The following RETREG1 variants were observed in gnomAD, a reference collection of about 807,000 sequenced individuals.
RETREG1 encodes family with sequence similarity 134 member B.
In RETREG1, 44 loss-of-function variants were observed where a neutral mutation model predicts 54.8. The observed-to-expected ratio is 0.80, with a 90% CI of 0.63 to 1.03. The LOEUF (loss-of-function observed/expected upper bound fraction) is 1.03. RETREG1 is among the 50% of genes least tolerant of loss of function. The pLI is 0.00. For synonymous variants in RETREG1, 217 were observed against 238.5 expected (o/e 0.91, Z 0.83); for missense variants, 554 against 605.1 (o/e 0.92, Z 0.89).
chr5:16,598,615 C>A (rs1168439493), intron 1 of RETREG1, among the ~76,000 whole-genome samples: 3 of 152,216 alleles, frequency 2.0e-5, no homozygotes, highest in South Asian at 2.1e-4. Context: ...TGTTCCTTCC[C>A]ATAGTAGCAG....
intron 3 of RETREG1, chr5:16,509,093 A>G: frequency 1.1e-6 from 1 of 900,046 alleles, no homozygotes; most frequent in Non-Finnish European, 1.3e-6. Flanking sequence ...TGGAGTGGCC[A>G]CAGGAGGTTG....
intron 1 of RETREG1, among the ~76,000 whole-genome samples, chr5:16,598,926 C>T (rs1034798683): frequency 5.3e-5 from 8 of 152,194 alleles, no homozygotes; most frequent in African/African-American, 1.9e-4. Flanking sequence ...GCTCACCATC[C>T]TAGCACTTTG....
At chr5:16,478,160 T>A in intron 6 of RETREG1, 62 bp from the exon 7 acceptor site, 1 of 1,021,092 alleles carries the variant, frequency 9.8e-7, no homozygotes, top group Non-Finnish European at 1.6e-6. Flanking sequence ...AGTGCATTTA[T>A]TTCATTATGT....
chr5:16,607,218 T>C (rs1743213059), intron 1 of RETREG1, among the ~76,000 whole-genome samples: 1 of 152,204 alleles, frequency 6.6e-6, no homozygotes, highest in Admixed American at 6.5e-5. Context: ...TTATTGTATT[T>C]TTTTTTACCA....
chr5:16,585,395 A>G lies in RETREG1; in HGVS notation c.321-13293T>C, dbSNP rs930501250. Among the ~76,000 whole-genome samples, 1 of 152,188 alleles carries G rather than the reference A, an allele frequency of 6.6e-6. No homozygotes were observed. Among genetic ancestry groups the G allele is most frequent in the Non-Finnish European group, 1.5e-5 (1 of 68,026 alleles). On this transcript the variant is annotated intron_variant, in intron 1 of 8. Coordinates refer to ENST00000306320, the MANE Select transcript of RETREG1 (RefSeq NM_001034850.3). This position sits in a 1 kb window ranked among gnomAD's most constrained non-coding sequence, Gnocchi z 4.5. ...GGCAAAGAGAAACTGAGCATGCTCT[A>G]CTGTGCACCCTTGCACTGGAATTAT...
intron 1 of RETREG1, among the ~76,000 whole-genome samples, chr5:16,576,070 A>T (rs1032948687): frequency 3.9e-5 from 6 of 152,204 alleles, no homozygotes; most frequent in African/African-American, 1.4e-4. Context: ...GAATTTTTAA[A>T]AAGTTTTTGT....
At chr5:16,478,707 A>G (rs1216586299) in intron 6 of RETREG1, 143 bp downstream of exon 6, 2 of 725,122 alleles carry the variant, frequency 2.8e-6, no homozygotes, top group Admixed American at 5.2e-5. Flanking sequence ...AAAAGGATAT[A>G]TATAACTTTG....
chr5:16,546,461 C>T (rs1741390985), intron 3 of RETREG1, among the ~76,000 whole-genome samples: 1 of 152,218 alleles, frequency 6.6e-6, no homozygotes, highest in Admixed American at 6.5e-5. Flanking sequence ...AGCCAATGCA[C>T]TGGGCCAAAA....
intron 1 of RETREG1, among the ~76,000 whole-genome samples, chr5:16,592,513 A>G (rs1742802249): frequency 8.0e-6 from 1 of 124,942 alleles, no homozygotes; most frequent in Admixed American, 7.8e-5. Context: ...AGAGCTAAAT[A>G]CAGTACTACC....
chr5:16,610,852 T>C (rs916543091), intron 1 of RETREG1, among the ~76,000 whole-genome samples: 10 of 152,124 alleles, frequency 6.6e-5, no homozygotes, highest in Non-Finnish European at 1.5e-4. Context: ...GTGTGGCGAT[T>C]CCTCAGGGAT....
intron 3 of RETREG1, among the ~76,000 whole-genome samples, chr5:16,542,821 G>A (rs995890429): frequency 1.3e-5 from 2 of 152,072 alleles, no homozygotes; most frequent in Non-Finnish European, 2.9e-5. Flanking sequence ...AGTGCTCATC[G>A]CTGGATCTGC....
chr5:16,574,389 C>A (rs1742270760), intron 1 of RETREG1, among the ~76,000 whole-genome samples: 1 of 152,126 alleles, frequency 6.6e-6, no homozygotes, highest in Admixed American at 6.5e-5. Context: ...AGGGAAATGT[C>A]TGAGGGCAAC....
chr5:16,520,644 A>G (rs1440383034), intron 3 of RETREG1, among the ~76,000 whole-genome samples: 2 of 152,136 alleles, frequency 1.3e-5, no homozygotes, highest in East Asian at 3.9e-4. Flanking sequence ...TTTTTTAAGA[A>G]AAGTTCATTG....
intron 8 of RETREG1, among the ~76,000 whole-genome samples, chr5:16,475,482 C>T (rs1738498832): frequency 6.6e-6 from 1 of 152,166 alleles, no homozygotes; most frequent in Admixed American, 6.5e-5. Context: ...AAGCACAAAA[C>T]AGTGTATTTA....
intron 3 of RETREG1, among the ~76,000 whole-genome samples, chr5:16,514,312 T>C (rs1469953146): frequency 6.6e-6 from 1 of 152,042 alleles, no homozygotes; most frequent in East Asian, 1.9e-4. Context: ...AGCCCAAAGG[T>C]CCTGTTTTCT....
intron 1 of RETREG1, among the ~76,000 whole-genome samples, chr5:16,583,003 G>A (rs77817221): frequency 2.9e-4 from 44 of 152,214 alleles, no homozygotes; most frequent in African/African-American, 5.8e-4. Flanking sequence ...CTCTAGGTGC[G>A]GCTGCTCTGG....
intron 3 of RETREG1, among the ~76,000 whole-genome samples, chr5:16,558,963 A>G (rs1010187713): frequency 2.6e-5 from 4 of 152,220 alleles, no homozygotes; most frequent in African/African-American, 9.6e-5. Flanking sequence ...ATGACTTTCT[A>G]CTTTTAAGAG....
At chr5:16,542,925 A>C (rs1235424652) in intron 3 of RETREG1, among the ~76,000 whole-genome samples, 1 of 152,222 alleles carries the variant, frequency 6.6e-6, no homozygotes, top group African/African-American at 2.4e-5. Context: ...ATCCAGCACC[A>C]AAATCAACAT....
At chr5:16,590,926 C>T (rs1042180872) in intron 1 of RETREG1, among the ~76,000 whole-genome samples, 4 of 151,622 alleles carry the variant, frequency 2.6e-5, no homozygotes, top group Admixed American at 2.6e-4. Flanking sequence ...CACACACATG[C>T]AAATATACCC....
Sources: gnomAD v4.1 joint callset for allele counts (sites outside exome capture counted in the v4.1 genomes callset) on GRCh38, gnomAD v4.1.1 for gene constraint, Gnocchi (gnomAD v3.1) non-coding constraint, MANE v1.5 for transcripts, NCBI Gene and HGNC (gene_info 2026-07-23, HGNC 2026-07-21) for gene names.